Variants in TAF1B observed in about 807,000 individuals in gnomAD.
The protein encoded by TAF1B is TATA-box binding protein associated factor, RNA polymerase I subunit B.
Under a neutral mutation model 83.9 loss-of-function variants are expected in TAF1B, and 61 were observed. The observed-to-expected ratio is 0.73, with a 90% CI of 0.59 to 0.90. TAF1B has a LOEUF of 0.90. TAF1B is among the 40% of genes least tolerant of loss of function. TAF1B has a pLI of 0.00. For synonymous variants in TAF1B, 221 were observed against 224.6 expected (o/e 0.98, Z 0.14); for missense variants, 625 against 677.0 (o/e 0.92, Z 0.85).
At chr2:9,900,569 C>T (rs777155026) in intron 8 of TAF1B, among the ~76,000 whole-genome samples, 24 of 151,988 alleles carry the variant, frequency 1.6e-4, no homozygotes, top group Non-Finnish European at 2.6e-4. Flanking sequence ...AAAATCTTAC[C>T]CTGGCTCCCA....
At position 9,934,310 on chromosome 2, in the gene TAF1B, C is replaced by A; in HGVS notation, c.*326C>A. 5.4e-6 allele frequency: 1 copy of A among 184,214 alleles called. No homozygotes were observed. The highest frequency in any genetic ancestry group is 1.1e-5 in the Non-Finnish European group (1 of 87,986). 11.4% of individuals were successfully genotyped at this position (184,214 alleles called of 1,614,324 possible). On this transcript the variant is annotated 3_prime_UTR_variant, in exon 15 of 15. Coordinates refer to ENST00000263663, the MANE Select transcript of TAF1B (RefSeq NM_005680.3). ...TAGATCCCTTCATTATTCTTTATGC[C>A]CCAGAGTAAATCCCAGATGGATCAA...
chr2:9,897,132 C>T (rs1665043162), intron 8 of TAF1B, among the ~76,000 whole-genome samples: 1 of 152,174 alleles, frequency 6.6e-6, no homozygotes, highest in Non-Finnish European at 1.5e-5. Flanking sequence ...GTAGAATAAA[C>T]TGAAAATCTA....
chr2:9,901,051 A>T (rs1347178069), intron 8 of TAF1B, among the ~76,000 whole-genome samples: 1 of 152,038 alleles, frequency 6.6e-6, no homozygotes, highest in South Asian at 2.1e-4. Context: ...TATAATGTTG[A>T]TGTGTTATTT....
chr2:9,918,472 T>C (rs969127444), intron 12 of TAF1B, among the ~76,000 whole-genome samples: 1 of 152,212 alleles, frequency 6.6e-6, no homozygotes, highest in Non-Finnish European at 1.5e-5. Context: ...GGAAACTCCC[T>C]GGCCATCCTT....
At chr2:9,864,563 G>C (rs577827270) in intron 5 of TAF1B, among the ~76,000 whole-genome samples, 1 of 152,314 alleles carries the variant, frequency 6.6e-6, no homozygotes, top group Admixed American at 6.5e-5. Context: ...AGTAGAAAAA[G>C]AGGGAATCCT....
chr2:9,912,567 T>C (rs1472826387), intron 11 of TAF1B, among the ~76,000 whole-genome samples: 1 of 152,228 alleles, frequency 6.6e-6, no homozygotes, highest in Non-Finnish European at 1.5e-5. Flanking sequence ...TAAAAGATGA[T>C]AATTTACTAC....
intron 3 of TAF1B, among the ~76,000 whole-genome samples, chr2:9,850,444 T>C (rs2125134903): frequency 6.6e-6 from 1 of 152,016 alleles, no homozygotes; most frequent in Middle Eastern, 3.4e-3. Context: ...GAAGAGGGAG[T>C]ATATGCATAT....
At chr2:9,929,304 G>A (rs950704363) in intron 14 of TAF1B, among the ~76,000 whole-genome samples, 2 of 152,190 alleles carry the variant, frequency 1.3e-5, no homozygotes, top group South Asian at 2.1e-4. Context: ...GACTACAGGT[G>A]CCCGCCTCCA....
chr2:9,911,596 T>G (rs1440444156), intron 11 of TAF1B, 39 bp downstream of exon 11: 1 of 1,381,000 alleles, frequency 7.2e-7, no homozygotes, highest in Non-Finnish European at 9.8e-7. Flanking sequence ...AAAGTGGTTA[T>G]AGATGATAGA....
chr2:9,858,235 G>A (rs1047625763), intron 5 of TAF1B, among the ~76,000 whole-genome samples: 11 of 152,332 alleles, frequency 7.2e-5, no homozygotes, highest in South Asian at 2.1e-4. Context: ...ATACAAGTCC[G>A]AAACCCAGCA....
chr2:9,917,839 G>C (rs560179114), intron 12 of TAF1B, among the ~76,000 whole-genome samples: 9 of 152,036 alleles, frequency 5.9e-5, no homozygotes, highest in Admixed American at 4.6e-4. Flanking sequence ...TTGGGAGGCC[G>C]AGGCGGGCGG....
intron 5 of TAF1B, among the ~76,000 whole-genome samples, chr2:9,863,982 A>G (rs943981387): frequency 6.6e-6 from 1 of 152,346 alleles, no homozygotes; most frequent in Non-Finnish European, 1.5e-5. Context: ...CTAAATGCCC[A>G]CAAGAGAAAG....
intron 9 of TAF1B, among the ~76,000 whole-genome samples, chr2:9,908,253 G>A (rs1389513277): frequency 6.6e-6 from 1 of 150,826 alleles, no homozygotes; most frequent in Non-Finnish European, 1.5e-5. Context: ...CACTGTGTTA[G>A]CCAGGATGGT....
At chr2:9,863,489 A>G (rs1410938306) in intron 5 of TAF1B, among the ~76,000 whole-genome samples, 10 of 152,102 alleles carry the variant, frequency 6.6e-5, no homozygotes, top group African/African-American at 2.2e-4. Context: ...CTCCCACACA[A>G]TAATAATGGG....
intron 8 of TAF1B, among the ~76,000 whole-genome samples, chr2:9,889,254 A>G (rs548679056): frequency 6.6e-6 from 1 of 152,128 alleles, no homozygotes; most frequent in East Asian, 1.9e-4. Context: ...ATATGGTACC[A>G]TAGCTCCCTG....
intron 9 of TAF1B, 95 bp from the exon 10 acceptor site, chr2:9,910,641 G>A (rs1558262821): frequency 1.9e-6 from 2 of 1,069,514 alleles, no homozygotes; most frequent in Non-Finnish European, 2.6e-6. Context: ...TTCTTGCATA[G>A]TGTCGTGTTT....
chr2:9,915,120 G>GAAGAA (rs1665644127), intron 12 of TAF1B, among the ~76,000 whole-genome samples: 1 of 152,206 alleles, frequency 6.6e-6, no homozygotes, highest in South Asian at 2.1e-4. Flanking sequence ...AAGATGTTGA[G>GAAGAA]AAGAACATGG....
At chr2:9,918,361 G>A (rs761587859) in intron 12 of TAF1B, among the ~76,000 whole-genome samples, 26 of 152,270 alleles carry the variant, frequency 1.7e-4, no homozygotes, top group Non-Finnish European at 3.4e-4. Context: ...TTGGAGTCTG[G>A]AACTGATCAC....
rs115035463 is a variant in TAF1B at position 9,858,532 on chromosome 2, C to T, written c.399+4111C>T. On this transcript the variant is annotated intron_variant, in intron 5 of 14. Transcript: ENST00000263663. ...CTCCAGTGGGAATCTGTTGGGGCTC[C>T]AACCCCACATTTCTCCTCTGCATTG... Among the ~76,000 whole-genome samples, 1,441 of 152,370 alleles carry T rather than the reference C, an allele frequency of 9.5e-3. 33 individuals are homozygous for T. The highest frequency in any genetic ancestry group is 0.029 in the African/African-American group (1,209 of 41,584).
Sources: gnomAD v4.1 joint callset for allele counts (sites outside exome capture counted in the v4.1 genomes callset) on GRCh38, gnomAD v4.1.1 for gene constraint, MANE v1.5 for transcripts, NCBI Gene and HGNC (gene_info 2026-07-23, HGNC 2026-07-21) for gene names.